The following DOCK4 variants were observed in gnomAD, a reference collection of about 807,000 sequenced individuals.
DOCK4 encodes dedicator of cytokinesis 4.
Under a neutral mutation model 268.1 loss-of-function variants are expected in DOCK4, and 97 were observed. The ratio of observed to expected loss-of-function variants is 0.36; its 90% CI spans 0.31 to 0.43. The LOEUF is 0.43. Ranked by LOEUF, DOCK4 falls within the 20% of genes least tolerant of loss-of-function variation. The pLI is 1.00. For missense variants in DOCK4, 2,145 were observed against 2,455.7 expected (o/e 0.87, Z 2.67); for synonymous variants, 954 against 887.2 (o/e 1.08, Z -1.34).
chr7:112,077,114 G>T (rs1378027817), intron 1 of DOCK4, among the ~76,000 whole-genome samples: 1 of 152,046 alleles, frequency 6.6e-6, no homozygotes, highest in African/African-American at 2.4e-5. Flanking sequence ...AGCAAATAAG[G>T]TTACTGTCAG....
intron 23 of DOCK4, among the ~76,000 whole-genome samples, chr7:111,855,936 T>C (rs1438010682): frequency 6.6e-6 from 1 of 152,232 alleles, no homozygotes; most frequent in Non-Finnish European, 1.5e-5. Context: ...TATTACAGGC[T>C]ACTCAAATAG....
chr7:111,887,859 T>A (rs1586273426), intron 16 of DOCK4, among the ~76,000 whole-genome samples: 1 of 150,082 alleles, frequency 6.7e-6, no homozygotes, highest in Non-Finnish European at 1.5e-5. Flanking sequence ...AGGGGCAGGG[T>A]CCCAGAAGAG....
intron 1 of DOCK4, among the ~76,000 whole-genome samples, chr7:112,179,484 G>A (rs1188794001): frequency 2.0e-5 from 3 of 150,578 alleles, no homozygotes; most frequent in Admixed American, 6.6e-5. Context: ...TTTGTTACAG[G>A]AGTTTCAGCA....
intron 1 of DOCK4, among the ~76,000 whole-genome samples, chr7:112,149,219 T>C (rs1815808553): frequency 6.6e-6 from 1 of 152,262 alleles, no homozygotes; most frequent in Middle Eastern, 3.4e-3. Flanking sequence ...TGGAAGAGGA[T>C]GGCGCTGCCA....
intron 1 of DOCK4, among the ~76,000 whole-genome samples, chr7:112,089,382 G>C (rs1809414535): frequency 6.6e-6 from 1 of 152,062 alleles, no homozygotes; most frequent in African/African-American, 2.4e-5. Context: ...TTCTCCACCA[G>C]AAGAAATAAT....
intron 1 of DOCK4, among the ~76,000 whole-genome samples, chr7:112,135,005 G>GTA (rs749948823): frequency 1.1e-4 from 16 of 151,610 alleles, no homozygotes; most frequent in African/African-American, 2.9e-4. Context: ...GTGTGTGTGT[G>GTA]TATATATATG....
chr7:112,030,432 C>T (rs1301210005), intron 1 of DOCK4, among the ~76,000 whole-genome samples: 1 of 152,218 alleles, frequency 6.6e-6, no homozygotes, highest in African/African-American at 2.4e-5. Context: ...TATTTCTAAA[C>T]CACAATGAAA....
At chr7:111,757,888 T>TG (rs367917037) in intron 41 of DOCK4, among the ~76,000 whole-genome samples, 4,663 of 151,784 alleles carry the variant, frequency 0.031, 157 homozygotes, top group African/African-American at 0.078. Context: ...AAATACTAAC[T>TG]GGGGGGGGTG....
intron 4 of DOCK4, among the ~76,000 whole-genome samples, chr7:111,997,493 C>T (rs1334352103): frequency 6.6e-6 from 1 of 152,182 alleles, no homozygotes; most frequent in Non-Finnish European, 1.5e-5. Flanking sequence ...CTCTTAGCCA[C>T]ATGCATAGGC....
chr7:112,027,756 G>A (rs916850949), intron 1 of DOCK4, among the ~76,000 whole-genome samples: 2 of 152,114 alleles, frequency 1.3e-5, no homozygotes, highest in African/African-American at 2.4e-5. Flanking sequence ...AAAAAGAAAG[G>A]GACTGGGTTT....
At chr7:111,840,749 C>G in intron 25 of DOCK4, 1 of 1,226,834 alleles carries the variant, frequency 8.2e-7, no homozygotes, top group South Asian at 1.4e-5. Flanking sequence ...ATTGTGGGAT[C>G]TGCGTTTACT....
chr7:112,094,436 G>A (rs17455646), intron 1 of DOCK4, among the ~76,000 whole-genome samples: 54,758 of 151,972 alleles, frequency 0.36, 10,439 homozygotes, highest in Non-Finnish European at 0.42. Flanking sequence ...TACATCCAGG[G>A]AATCTCTAGT....
chr7:111,879,243 T>C (rs1807173786), intron 16 of DOCK4, among the ~76,000 whole-genome samples: 1 of 151,936 alleles, frequency 6.6e-6, no homozygotes, highest in Non-Finnish European at 1.5e-5. Flanking sequence ...CCAACTTCCT[T>C]GAAGGGAAGG....
chr7:111,810,399 C>T (rs1801021577), intron 28 of DOCK4, among the ~76,000 whole-genome samples: 1 of 151,672 alleles, frequency 6.6e-6, no homozygotes, highest in Admixed American at 6.6e-5. Flanking sequence ...TTGCAGTGAG[C>T]CGAGATTGCG....
intron 1 of DOCK4, among the ~76,000 whole-genome samples, chr7:112,038,602 A>G (rs1804062278): frequency 6.6e-6 from 1 of 152,196 alleles, no homozygotes; most frequent in African/African-American, 2.4e-5. Flanking sequence ...TGGAGCTTCA[A>G]CTGCACCCAG....
intron 15 of DOCK4, among the ~76,000 whole-genome samples, chr7:111,899,490 G>C (rs10224457): frequency 7.2e-5 from 11 of 152,090 alleles, no homozygotes; most frequent in Middle Eastern, 3.2e-3. Flanking sequence ...GGGGTAGTTG[G>C]GGGAGAGAGA....
At chr7:111,880,927 A>C (rs1452547797) in intron 16 of DOCK4, among the ~76,000 whole-genome samples, 1 of 152,186 alleles carries the variant, frequency 6.6e-6, no homozygotes, top group African/African-American at 2.4e-5. Context: ...CAAAAATCAA[A>C]TCAAAATGGA....
intron 17 of DOCK4, among the ~76,000 whole-genome samples, chr7:111,875,797 C>G (rs755569112): frequency 6.6e-6 from 1 of 152,176 alleles, no homozygotes; most frequent in Non-Finnish European, 1.5e-5. Flanking sequence ...CCCAGTGGAA[C>G]TGATTTTGTA....
In DOCK4 at chr7:111,728,730, G is replaced by T; in HGVS notation, c.5482-10C>A. The T allele has an allele frequency of 6.3e-7, 1 of 1,597,346 alleles. No individual in the cohort carries two copies. Among genetic ancestry groups the T allele is most frequent in the Non-Finnish European group, 8.5e-7 (1 of 1,170,778 alleles). On this transcript the variant is annotated splice_polypyrimidine_tract_variant and intron_variant, in intron 52 of 52. Transcript: ENST00000428084. ...AAGACTGCACAGAGCCCTGCTCCGG[G>T]GAGAAGGAAACGAGAGGGAGACACA...
Sources: allele counts gnomAD v4.1 joint callset (sites outside exome capture counted in the v4.1 genomes callset), GRCh38; gene constraint gnomAD v4.1.1; transcripts MANE v1.5; gene names NCBI Gene and HGNC (gene_info 2026-07-23, HGNC 2026-07-21).